The following PDE4D variants were observed in gnomAD, a reference collection of about 807,000 sequenced individuals.
The protein encoded by PDE4D is phosphodiesterase 4D, also known as 3',5'-cyclic-AMP phosphodiesterase 4D.
In PDE4D, 24 loss-of-function variants were observed where a neutral mutation model predicts 87.4. That is an observed-to-expected ratio of 0.27 (90% CI 0.20 to 0.39). The LOEUF (loss-of-function observed/expected upper bound fraction) is 0.39. Among genes scored for constraint, PDE4D ranks in the 10% least tolerant of loss-of-function variants. The pLI is 1.00. For missense variants in PDE4D, 714 were observed against 1,041.0 expected (o/e 0.69, Z 4.32); for synonymous variants, 384 against 383.2 (o/e 1.00, Z -0.02).
Position 59,176,934 on chromosome 5 carries a change from C to T in PDE4D, c.808+3661G>A, listed in dbSNP as rs370008218. Among the ~76,000 whole-genome samples the T allele has an allele frequency of 1.3e-3, 191 of 152,266 alleles. 3 individuals carry two copies. Among genetic ancestry groups the T allele is most frequent in the African/African-American group, 4.5e-3 (187 of 41,536 alleles). ...CATTTTGATGGGCACAAAGCAAGCG[C>T]ATCCATTTTGGCCAATTTAAGGACC... On this transcript the variant is annotated intron_variant, in intron 5 of 14. Transcript: ENST00000340635.
chr5:59,954,617 C>G (rs561101672), intron 3 of PDE4D, among the ~76,000 whole-genome samples: 1 of 152,252 alleles, frequency 6.6e-6, no homozygotes, highest in East Asian at 1.9e-4. Flanking sequence ...AGAATTCATT[C>G]TTATTCTCAA....
intron 1 of PDE4D, among the ~76,000 whole-genome samples, chr5:59,444,888 C>A (rs751584414): frequency 2.3e-4 from 35 of 152,146 alleles, no homozygotes; most frequent in Non-Finnish European, 4.1e-4. Context: ...TCAGATGGGG[C>A]AAGCATTCTC....
chr5:60,343,315 T>A (rs954400367), intron 1 of PDE4D, among the ~76,000 whole-genome samples: 5 of 152,118 alleles, frequency 3.3e-5, no homozygotes, highest in African/African-American at 1.2e-4. Context: ...CTAAAAATGC[T>A]GAAATGACTA....
Position 59,200,667 on chromosome 5 carries a change from GTATAGA to G in PDE4D, c.648-7137_648-7132del, listed in dbSNP as rs1452903503. On this transcript the variant is annotated intron_variant, in intron 2 of 14. Transcript: ENST00000340635. ...TACACGTATACATACATATGTGTAT[GTATAGA>G]TACACGTATACATACATATGTGTAT... 2.1e-3 allele frequency among the ~76,000 whole-genome samples: 140 copies of G among 67,168 alleles called. 11 individuals are homozygous for G. The highest frequency in any genetic ancestry group is 0.023 in the Middle Eastern group (2 of 86). The allele number at this position is 67,168 out of a possible 152,430, so 44.1% of individuals were successfully genotyped here.
chr5:59,514,741 A>G (rs1221801214), intron 1 of PDE4D, among the ~76,000 whole-genome samples: 1 of 152,192 alleles, frequency 6.6e-6, no homozygotes, highest in Non-Finnish European at 1.5e-5. Context: ...TTTAACCTCC[A>G]TGTACCTCTG....
intron 5 of PDE4D, among the ~76,000 whole-genome samples, chr5:59,042,624 G>A (rs1461235382): frequency 6.6e-6 from 1 of 152,094 alleles, no homozygotes; most frequent in East Asian, 1.9e-4. Context: ...AAAACTATTG[G>A]CTAAACTCCC....
At chr5:59,458,195 T>G (rs578130737) in intron 1 of PDE4D, among the ~76,000 whole-genome samples, 5 of 152,358 alleles carry the variant, frequency 3.3e-5, no homozygotes, top group African/African-American at 1.2e-4. Context: ...GAACATTTAT[T>G]AAACATGTAA....
At chr5:59,801,077 GT>G (rs1161946898) in intron 1 of PDE4D, among the ~76,000 whole-genome samples, 1 of 152,078 alleles carries the variant, frequency 6.6e-6, no homozygotes, top group Non-Finnish European at 1.5e-5. Flanking sequence ...GAATTCTCAA[GT>G]TTATCCTGCC....
rs528440134 is a variant in PDE4D, at chr5:59,912,161, G to A, written c.272+76327C>T. 4.2e-4 allele frequency among the ~76,000 whole-genome samples: 64 copies of A among 152,208 alleles called. 1 individual carries two copies. In the South Asian group the frequency reaches 5.2e-3, roughly 12 times the overall value. ...GATATAATAACACGTGAATGTTGCC[G>A]TCTAGTTATTTGTTTGTTATCTGCT... On this transcript the variant is annotated intron_variant, in intron 3 of 16. Coordinates refer to the PDE4D transcript ENST00000502484.
In PDE4D at chr5:59,556,983, T is replaced by C. The variant is rs1403970287; in HGVS notation, c.455+336185A>G. The stretch of plus-strand genomic sequence containing the variant: ...GTAATTTTAAATTATTCAAGTTTGT[T>C]TTCTAATAAATATAACCTTAATGAA... On this transcript the variant is annotated intron_variant, in intron 1 of 14. Coordinates refer to ENST00000340635, the MANE Select transcript of PDE4D (RefSeq NM_001104631.2). Among the ~76,000 whole-genome samples, 11 of 152,182 alleles carry C rather than the reference T, an allele frequency of 7.2e-5. 1 individual carries two copies. In the East Asian group the frequency reaches 1.9e-3, roughly 27 times the overall value.
chr5:59,122,141 C>CAAAA (rs56284898), intron 5 of PDE4D, among the ~76,000 whole-genome samples: 20 of 71,580 alleles, frequency 2.8e-4, no homozygotes, highest in East Asian at 1.1e-3. Flanking sequence ...GACTCTATCT[C>CAAAA]AAAAAAAAAA....
intron 6 of PDE4D, among the ~76,000 whole-genome samples, chr5:59,003,566 T>C (rs755613756): frequency 6.6e-6 from 1 of 152,226 alleles, no homozygotes; most frequent in Non-Finnish European, 1.5e-5. Context: ...CTACTCTATG[T>C]CAGGCACTGC....
intron 1 of PDE4D, among the ~76,000 whole-genome samples, chr5:59,723,593 A>G (rs1313377314): frequency 6.6e-6 from 1 of 152,178 alleles, no homozygotes; most frequent in African/African-American, 2.4e-5. Flanking sequence ...AAAATGGATT[A>G]TGGATGCAAT....
chr5:59,286,786 A>G (rs1033171773), intron 1 of PDE4D, among the ~76,000 whole-genome samples: 3 of 152,318 alleles, frequency 2.0e-5, no homozygotes, highest in Admixed American at 2.0e-4. Flanking sequence ...TAGATATTTC[A>G]TTAAAATAAA....
chr5:60,151,202 T>G (rs965233319), intron 2 of PDE4D, among the ~76,000 whole-genome samples: 1 of 152,134 alleles, frequency 6.6e-6, no homozygotes, highest in African/African-American at 2.4e-5. Flanking sequence ...AACAAAAAAC[T>G]TCATAAATCT....
intron 3 of PDE4D, among the ~76,000 whole-genome samples, chr5:59,958,653 T>C (rs1318352060): frequency 1.3e-5 from 2 of 151,998 alleles, no homozygotes; most frequent in Middle Eastern, 3.2e-3. Context: ...CCCTTCATGA[T>C]AAAAACCCTC....
chr5:60,356,321 A>C (rs896126387), intron 1 of PDE4D, among the ~76,000 whole-genome samples: 1 of 152,218 alleles, frequency 6.6e-6, no homozygotes, highest in African/African-American at 2.4e-5. Flanking sequence ...TATTATCAAG[A>C]TGAAAATGTA....
intron 6 of PDE4D, among the ~76,000 whole-genome samples, chr5:59,004,430 T>G (rs1002289927): frequency 6.6e-6 from 1 of 152,218 alleles, no homozygotes; most frequent in African/African-American, 2.4e-5. Context: ...AAGGGTTTGC[T>G]ATGATTTCTC....
chr5:60,030,277 C>T (rs1455008033), intron 2 of PDE4D, among the ~76,000 whole-genome samples: 3 of 152,064 alleles, frequency 2.0e-5, no homozygotes, highest in Non-Finnish European at 2.9e-5. Flanking sequence ...GGTGAAACCC[C>T]GTCTCTACTA....
Sources: gnomAD v4.1 joint callset for allele counts (sites outside exome capture counted in the v4.1 genomes callset) on GRCh38, gnomAD v4.1.1 for gene constraint, MANE v1.5 for transcripts, NCBI Gene and HGNC (gene_info 2026-07-23, HGNC 2026-07-21) for gene names.